APBA1: variants seen among roughly 807,000 people sequenced by gnomAD.
APBA1 encodes the protein amyloid-beta A4 precursor protein-binding family A member 1.
APBA1 carries 55 observed loss-of-function variants against 86.6 expected under a neutral mutation model. The observed-to-expected ratio is 0.64, with a 90% CI of 0.51 to 0.80. The LOEUF is 0.80. APBA1 is among the 30% of genes least tolerant of loss of function. The pLI is 0.00. For missense variants in APBA1, 1,090 were observed against 1,183.0 expected, an observed-to-expected ratio of 0.92 and a Z score of 1.15; for synonymous variants, 511 against 493.9, an observed-to-expected ratio of 1.03 and a Z score of -0.46.
At chr9:69,432,712 G>A in intron 11 of APBA1, 36 bp from the exon 12 acceptor site, 1 of 1,503,820 alleles carries the variant, frequency 6.6e-7, no homozygotes, top group Non-Finnish European at 8.9e-7. Context: ...CCTCATTGCA[G>A]ACAGTGCGGT....
chr9:69,443,209 A>G (rs1396236300), intron 10 of APBA1, among the ~76,000 whole-genome samples: 1 of 152,190 alleles, frequency 6.6e-6, no homozygotes, highest in Non-Finnish European at 1.5e-5. Flanking sequence ...TGAATCAGAA[A>G]ACCTAGGGGT....
intron 10 of APBA1, among the ~76,000 whole-genome samples, chr9:69,443,425 G>A (rs1051311923): frequency 6.6e-6 from 1 of 152,186 alleles, no homozygotes; most frequent in Non-Finnish European, 1.5e-5. Context: ...GAGAGCAGGC[G>A]CTGGCAAGGG....
chr9:69,500,947 C>T (rs1835871869), intron 2 of APBA1, among the ~76,000 whole-genome samples: 1 of 152,140 alleles, frequency 6.6e-6, no homozygotes, highest in African/African-American at 2.4e-5. Context: ...TTTCATAATT[C>T]TCCCAGGTCA....
At chr9:69,476,237 A>G in intron 2 of APBA1, 94 bp from the exon 3 acceptor site, 1 of 813,040 alleles carries the variant, frequency 1.2e-6, no homozygotes, top group Non-Finnish European at 2.0e-6. Flanking sequence ...AGCAAAGCAG[A>G]ACACAATCGA....
At chr9:69,489,053 G>A (rs1321851952) in intron 2 of APBA1, among the ~76,000 whole-genome samples, 7 of 152,148 alleles carry the variant, frequency 4.6e-5, no homozygotes, top group Admixed American at 1.3e-4. Flanking sequence ...TGGCCATACT[G>A]CCCAAGGTAA....
chr9:69,545,136 G>A (rs1451065925), intron 1 of APBA1, among the ~76,000 whole-genome samples: 1 of 152,184 alleles, frequency 6.6e-6, no homozygotes, highest in Non-Finnish European at 1.5e-5. Context: ...ATTCTCATCT[G>A]GGCTGGTTTC....
At chr9:69,623,273 G>C (rs1341529073) in intron 1 of APBA1, among the ~76,000 whole-genome samples, 2 of 152,072 alleles carry the variant, frequency 1.3e-5, no homozygotes, top group East Asian at 3.9e-4. Flanking sequence ...AGATAAGGGT[G>C]ATTCTGCAGG....
intron 2 of APBA1, 72 bp downstream of exon 2, chr9:69,515,939 C>T (rs1836133071): frequency 6.9e-7 from 1 of 1,448,520 alleles, no homozygotes; most frequent in East Asian, 2.6e-5. Flanking sequence ...CCCAAGGGCA[C>T]ACAAGGCCAT....
chr9:69,636,827 GA>G (rs1225169725), intron 1 of APBA1, among the ~76,000 whole-genome samples: 5 of 6,448 alleles, frequency 7.8e-4, no homozygotes, highest in Admixed American at 2.2e-3. Flanking sequence ...GAGAGAGAGA[GA>G]GAGGGAGGGA....
At chr9:69,612,874 A>G (rs1239077003) in intron 1 of APBA1, among the ~76,000 whole-genome samples, 1 of 152,132 alleles carries the variant, frequency 6.6e-6, no homozygotes, top group Non-Finnish European at 1.5e-5. Context: ...AGATACGTGA[A>G]GAAAGTTATA....
intron 1 of APBA1, among the ~76,000 whole-genome samples, chr9:69,620,005 C>T (rs1297930413): frequency 5.3e-5 from 8 of 152,144 alleles, no homozygotes; most frequent in Non-Finnish European, 8.8e-5. Flanking sequence ...AAAAGATTCC[C>T]AATACCCAAA....
intron 1 of APBA1, among the ~76,000 whole-genome samples, chr9:69,630,556 A>C (rs550744366): frequency 6.6e-6 from 1 of 152,186 alleles, no homozygotes; most frequent in South Asian, 2.1e-4. Flanking sequence ...ATTTACCCTG[A>C]AGTTTACTCC....
intron 1 of APBA1, among the ~76,000 whole-genome samples, chr9:69,635,239 T>C (rs7855533): frequency 0.037 from 5,616 of 152,232 alleles, 346 homozygotes; most frequent in African/African-American, 0.13. Context: ...AAGCATACAG[T>C]TGTTATTACT....
intron 2 of APBA1, among the ~76,000 whole-genome samples, chr9:69,490,537 G>A (rs1488051522): frequency 1.3e-5 from 2 of 151,350 alleles, no homozygotes; most frequent in African/African-American, 4.9e-5. Flanking sequence ...TCAGGACATA[G>A]GCATGGGCAA....
intron 1 of APBA1, among the ~76,000 whole-genome samples, chr9:69,579,271 C>T (rs1315516503): frequency 6.6e-6 from 1 of 152,066 alleles, no homozygotes; most frequent in African/African-American, 2.4e-5. Flanking sequence ...TGGCCTGCAC[C>T]GGGAGCAGCA....
At position 69,430,144 on chromosome 9, in the gene APBA1, T is replaced by C. The variant is rs899220395; in HGVS notation, c.*1183A>G. ...CTATTGTCTCCTTAATTTTGTGGTT[T>C]ATGTACTATTCTGGCCTTTCCAATA... On this transcript the variant is annotated 3_prime_UTR_variant, in exon 13 of 13. Coordinates refer to ENST00000265381, the MANE Select transcript of APBA1 (RefSeq NM_001163.4). 5.3e-5 allele frequency: 8 copies of C among 152,212 alleles called. No homozygotes were observed. Among genetic ancestry groups the C allele is most frequent in the African/African-American group, 1.7e-4 (7 of 41,442 alleles). The allele number at this position is 152,212 out of a possible 1,614,324, so 9.4% of individuals were successfully genotyped here.
intron 1 of APBA1, among the ~76,000 whole-genome samples, chr9:69,519,288 C>T (rs140774263): frequency 3.8e-4 from 58 of 152,334 alleles, no homozygotes; most frequent in African/African-American, 1.3e-3. Context: ...GACCTAGATC[C>T]TTTGCATGTG....
intron 2 of APBA1, among the ~76,000 whole-genome samples, chr9:69,497,985 T>C (rs1432632416): frequency 2.6e-5 from 4 of 152,116 alleles, no homozygotes; most frequent in African/African-American, 9.7e-5. Flanking sequence ...CGATGACAGA[T>C]ACCAAATGTG....
Position 69,456,367 on chromosome 9 carries a change from CACA to C in APBA1, c.1665_1667del (p.Val556del), listed in dbSNP as rs1454434490. 6.2e-7 allele frequency: 1 copy of C among 1,613,872 alleles called. No homozygotes were observed. Among genetic ancestry groups the C allele is most frequent in the Non-Finnish European group, 8.5e-7 (1 of 1,179,840 alleles). On this transcript the variant is annotated inframe_deletion, in exon 8 of 13. Transcript: ENST00000265381. ...GAGGCATCCGCCGGCGGGCCATCAG[CACA>C]ACGATGTTCCCAATGTCCGCAATGT...
Sources: allele counts gnomAD v4.1 joint callset (sites outside exome capture counted in the v4.1 genomes callset), GRCh38; gene constraint gnomAD v4.1.1; transcripts MANE v1.5; gene names NCBI Gene and HGNC (gene_info 2026-07-23, HGNC 2026-07-21).